The following CYFIP2 variants were observed in gnomAD, a reference collection of about 807,000 sequenced individuals.
CYFIP2 encodes the protein cytoplasmic FMR1 interacting protein 2.
In CYFIP2, 29 loss-of-function variants were observed where a neutral mutation model predicts 158.7. The ratio of observed to expected loss-of-function variants is 0.18; its 90% CI spans 0.14 to 0.25. The LOEUF (loss-of-function observed/expected upper bound fraction) is 0.25, where lower values mean the gene tolerates loss of function less well. CYFIP2 is among the 10% of genes least tolerant of loss of function. The probability of loss-of-function intolerance (pLI) is 1.00; values close to 1 mark genes in which losing one functional copy is unlikely to be tolerated. For missense variants in CYFIP2, 852 were observed against 1,639.5 expected, an observed-to-expected ratio of 0.52 and a Z score of 8.29; for synonymous variants, 585 against 617.6, an observed-to-expected ratio of 0.95 and a Z score of 0.78.
chr5:157,337,412 G>A (rs2113217796), intron 21 of CYFIP2, among the ~76,000 whole-genome samples: 1 of 152,254 alleles, frequency 6.6e-6, no homozygotes, highest in African/African-American at 2.4e-5. Context: ...ACCTTTACCT[G>A]GGCAGGGACA....
chr5:157,333,368 G>A lies in CYFIP2; in HGVS notation c.2307G>A (p.Gln769=). The change falls in exon 21 of 31, where the codon CAG becomes CAA. Residue 769 remains glutamine, a synonymous_variant. Coordinates refer to ENST00000620254, the MANE Select transcript of CYFIP2 (RefSeq NM_001037333.3). ...RSIDLNRLIT[Q]RISAAMYKSL... ...TTGACTTGAACAGACTCATTACCCA[G>A]CGCATCTCTGCCGCCATGTATAAAT... The A allele has an allele frequency of 3.1e-6, 5 of 1,614,000 alleles. No individual in the cohort carries two copies. The highest frequency in any genetic ancestry group is 1.1e-5 in the South Asian group (1 of 91,082).
chr5:157,323,107 C>T (rs1365776410), intron 15 of CYFIP2: 2 of 1,183,386 alleles, frequency 1.7e-6, no homozygotes, highest in Non-Finnish European at 2.4e-6. Flanking sequence ...CCCCTTCCAG[C>T]CCTAAGATTC....
chr5:157,324,185 G>A (rs1760831575), intron 16 of CYFIP2, 111 bp downstream of exon 16: 3 of 1,264,416 alleles, frequency 2.4e-6, no homozygotes, highest in South Asian at 3.5e-5. Flanking sequence ...TTGACCCTAA[G>A]GGGCACATAT....
intron 9 of CYFIP2, among the ~76,000 whole-genome samples, chr5:157,309,024 T>C (rs1160944927): frequency 6.6e-6 from 1 of 152,340 alleles, no homozygotes; most frequent in African/African-American, 2.4e-5. Context: ...CATAGATGAC[T>C]CAGAGCCCTG....
At chr5:157,335,591 G>C (rs1761793599) in intron 21 of CYFIP2, among the ~76,000 whole-genome samples, 1 of 152,186 alleles carries the variant, frequency 6.6e-6, no homozygotes, top group African/African-American at 2.4e-5. Context: ...ATGGAAAAAA[G>C]ATGAGAGAAA....
Position 157,341,130 on chromosome 5 carries a change from C to T in CYFIP2, c.2646C>T (p.Val882=). ...QEPQRDKPAN[V]QPYYLYGSKP... is the part of the protein sequence containing the mutation. ...CACAACGAGACAAACCTGCCAACGT[C>T]CAGCCTTATTACCTCTATGGATCCA... The change falls in exon 23 of 31, where the codon GTC becomes GTT. Residue 882 remains valine (V), a synonymous_variant. Transcript: ENST00000620254. 6.2e-7 allele frequency: 1 copy of T among 1,614,028 alleles called. No individual in the cohort carries two copies. The highest frequency in any genetic ancestry group is 8.5e-7 in the Non-Finnish European group (1 of 1,179,886).
At chr5:157,367,650 A>ATTGTT (rs1393349068) in intron 26 of CYFIP2, among the ~76,000 whole-genome samples, 1 of 151,626 alleles carries the variant, frequency 6.6e-6, no homozygotes, top group Non-Finnish European at 1.5e-5. Flanking sequence ...CTTTCCTCTA[A>ATTGTT]TTGTTTTATT....
intron 26 of CYFIP2, among the ~76,000 whole-genome samples, chr5:157,380,964 C>A (rs1292541665): frequency 6.6e-6 from 1 of 152,188 alleles, no homozygotes; most frequent in Non-Finnish European, 1.5e-5. Context: ...CCTGTAATCC[C>A]AGCACTTGGG....
chr5:157,329,498 A>G (rs2113164285), intron 19 of CYFIP2, among the ~76,000 whole-genome samples: 1 of 152,382 alleles, frequency 6.6e-6, no homozygotes, highest in Admixed American at 6.5e-5. Flanking sequence ...GAAGAAAACC[A>G]TGAGCTAGGT....
At chr5:157,345,295 A>G (rs1487060716) in intron 23 of CYFIP2, 1 of 152,450 alleles carries the variant, frequency 6.6e-6, no homozygotes, top group Non-Finnish European at 1.5e-5. Flanking sequence ...TTGGCTTCCT[A>G]TCTGCCACTA....
chr5:157,290,766 C>T (rs1270031836), intron 3 of CYFIP2, among the ~76,000 whole-genome samples: 1 of 152,202 alleles, frequency 6.6e-6, no homozygotes, highest in Non-Finnish European at 1.5e-5. Context: ...CCCAGTCTTT[C>T]TAAGGTAGCT....
intron 17 of CYFIP2, 122 bp downstream of exon 17, chr5:157,325,760 C>T: frequency 9.5e-7 from 1 of 1,051,032 alleles, no homozygotes; most frequent in Admixed American, 3.1e-5. Flanking sequence ...CCATATGTCC[C>T]ACCACAGGGA....
In CYFIP2 at chr5:157,273,788, G is replaced by T. The variant is rs186502949; in HGVS notation, c.-24+7593G>T. ...GTAGTTATAAAAATACTAACTTTTG[G>T]TAGCAGCTTTATTGAAATATAGTTT... is the stretch of plus-strand genomic sequence containing the variant. On this transcript the variant is annotated intron_variant, in intron 1 of 30. Coordinates refer to ENST00000620254, the MANE Select transcript of CYFIP2 (RefSeq NM_001037333.3). Among the ~76,000 whole-genome samples, 4 of 152,158 alleles carry T rather than the reference G, an allele frequency of 2.6e-5. No homozygotes were observed. The East Asian group carries it at 5.8e-4, about 22-fold the overall frequency.
At chr5:157,370,917 G>A (rs1318394538) in intron 26 of CYFIP2, among the ~76,000 whole-genome samples, 2 of 152,206 alleles carry the variant, frequency 1.3e-5, no homozygotes, top group Non-Finnish European at 2.9e-5. Context: ...GCAAGGCATA[G>A]ATTGACAGGA....
chr5:157,353,406 C>A (rs1763203883), intron 23 of CYFIP2, among the ~76,000 whole-genome samples: 1 of 152,192 alleles, frequency 6.6e-6, no homozygotes, highest in Non-Finnish European at 1.5e-5. Context: ...AAAGGAGCGT[C>A]ATTTCTTGAG....
intron 26 of CYFIP2, among the ~76,000 whole-genome samples, chr5:157,371,162 A>G (rs1231093454): frequency 6.6e-6 from 1 of 152,168 alleles, no homozygotes; most frequent in Non-Finnish European, 1.5e-5. Flanking sequence ...CCTGCTTCAC[A>G]GGCTCTGTAT....
intron 26 of CYFIP2, chr5:157,375,651 T>TTTA (rs375063920): frequency 6.6e-6 from 1 of 151,772 alleles, no homozygotes; most frequent in African/African-American, 2.4e-5. Context: ...TTTTTTTTTT[T>TTTA]AGCTCATCAG....
intron 10 of CYFIP2, among the ~76,000 whole-genome samples, chr5:157,310,556 G>A (rs979485925): frequency 3.3e-5 from 5 of 152,262 alleles, no homozygotes; most frequent in African/African-American, 9.6e-5. Flanking sequence ...TCATGTAGTC[G>A]CTTCATCACC....
At chr5:157,270,128 T>TA (rs2113801209) in intron 1 of CYFIP2, among the ~76,000 whole-genome samples, 1 of 152,294 alleles carries the variant, frequency 6.6e-6, no homozygotes, top group South Asian at 2.1e-4. Context: ...GGGAAGTAAA[T>TA]AGGACCTTCT....
Sources: allele counts gnomAD v4.1 joint callset (sites outside exome capture counted in the v4.1 genomes callset), GRCh38; gene constraint gnomAD v4.1.1; transcripts MANE v1.5; gene names NCBI Gene and HGNC (gene_info 2026-07-23, HGNC 2026-07-21).